Variants in PMEPA1 observed in about 807,000 individuals in gnomAD.
PMEPA1 encodes protein TMEPAI.
In PMEPA1, 11 loss-of-function variants were observed where a neutral mutation model predicts 23.0. The ratio of observed to expected loss-of-function variants is 0.48; its 90% CI spans 0.30 to 0.79. PMEPA1 has a LOEUF of 0.79. PMEPA1 is among the 30% of genes least tolerant of loss of function. The pLI is 0.06. For missense variants in PMEPA1, 377 were observed against 390.9 expected, an observed-to-expected ratio of 0.96 and a Z score of 0.30; for synonymous variants, 204 against 166.4, an observed-to-expected ratio of 1.23 and a Z score of -1.74.
At chr20:57,675,578 G>A (rs974528100) in intron 1 of PMEPA1, among the ~76,000 whole-genome samples, 3 of 152,034 alleles carry the variant, frequency 2.0e-5, no homozygotes, top group Admixed American at 6.5e-5. Flanking sequence ...AGTGTTTTCC[G>A]GTTTGGGGGA....
At chr20:57,684,449 AG>A (rs1278934829) in intron 1 of PMEPA1, among the ~76,000 whole-genome samples, 1 of 152,092 alleles carries the variant, frequency 6.6e-6, no homozygotes, top group Non-Finnish European at 1.5e-5. Flanking sequence ...CCTAAGAAGG[AG>A]GGGGGCTCTG....
At chr20:57,660,898 A>G (rs1312090576) in intron 1 of PMEPA1, among the ~76,000 whole-genome samples, 2 of 152,146 alleles carry the variant, frequency 1.3e-5, no homozygotes, top group African/African-American at 4.8e-5. Flanking sequence ...ACACCCCTCA[A>G]CAGTCCCACA....
rs138823109 is a variant in PMEPA1 at position 57,679,408 on chromosome 20, T to C, written c.110-19711A>G. On this transcript the variant is annotated intron_variant, in intron 1 of 3. Coordinates refer to ENST00000341744, the MANE Select transcript of PMEPA1 (RefSeq NM_020182.5). ...GGTGTGTATTGGGGCAAAGGCAGCA[T>C]AGACAACGTGAACTTGAAACGATTC... 4.1e-3 allele frequency among the ~76,000 whole-genome samples: 617 copies of C among 152,260 alleles called. 1 individual carries two copies. The highest frequency in any genetic ancestry group is 6.8e-3 in the Middle Eastern group (2 of 294).
rs1268287698 is a variant in PMEPA1, at chr20:57,655,214, T to G, written c.265-2128A>C. ...TGAGCCCATCCTGGGTCTGGACCAA[T>G]GGCCCCTCTTTCCTCCCTTTCCTGA... On this transcript the variant is annotated intron_variant, in intron 2 of 3. Coordinates refer to ENST00000341744, the MANE Select transcript of PMEPA1 (RefSeq NM_020182.5). The surrounding 1 kb of genome is among the most constrained non-coding windows in gnomAD (Gnocchi z 4.2). Among the ~76,000 whole-genome samples, 2 of 152,148 alleles carry G rather than the reference T, an allele frequency of 1.3e-5. No homozygotes were observed. Among genetic ancestry groups the G allele is most frequent in the African/African-American group, 4.8e-5 (2 of 41,428 alleles).
chr20:57,679,629 C>T (rs1025600101), intron 1 of PMEPA1, among the ~76,000 whole-genome samples: 3 of 152,242 alleles, frequency 2.0e-5, no homozygotes, highest in African/African-American at 4.8e-5. Flanking sequence ...CGCTCGCTTC[C>T]TTAGTGAAGG....
Sources: gnomAD v4.1 joint callset for allele counts (sites outside exome capture counted in the v4.1 genomes callset) on GRCh38, gnomAD v4.1.1 for gene constraint, Gnocchi (gnomAD v3.1) non-coding constraint, MANE v1.5 for transcripts, NCBI Gene and HGNC (gene_info 2026-07-23, HGNC 2026-07-21) for gene names.